Variants in CFAP44 observed in about 807,000 individuals in gnomAD.
CFAP44 encodes the protein cilia and flagella associated protein 44, also known as cilia- and flagella-associated protein 44.
In CFAP44, 134 loss-of-function variants were observed where a neutral mutation model predicts 216.2. The observed-to-expected ratio is 0.62, with a 90% CI of 0.54 to 0.72. The LOEUF is 0.72. CFAP44 is among the 30% of genes least tolerant of loss of function. The pLI is 0.00. For synonymous variants in CFAP44, 700 were observed against 727.6 expected (o/e 0.96, Z 0.61); for missense variants, 2,035 against 2,182.1 (o/e 0.93, Z 1.34).
chr3:113,318,659 C>G (rs1196339017), intron 28 of CFAP44, among the ~76,000 whole-genome samples: 3 of 152,098 alleles, frequency 2.0e-5, no homozygotes, highest in Non-Finnish European at 4.4e-5. Context: ...AGAAAAAAAT[C>G]TTAAAGGCAG....
At chr3:113,296,220 C>T (rs756627555) in intron 33 of CFAP44, among the ~76,000 whole-genome samples, 5 of 152,148 alleles carry the variant, frequency 3.3e-5, no homozygotes, top group African/African-American at 4.8e-5. Context: ...CTGCAAAGGA[C>T]ATGATATCAT....
At chr3:113,306,715 A>G (rs1338926464) in intron 29 of CFAP44, among the ~76,000 whole-genome samples, 1 of 152,152 alleles carries the variant, frequency 6.6e-6, no homozygotes, top group Non-Finnish European at 1.5e-5. Flanking sequence ...TTATCTCTCT[A>G]TTATTTCCAC....
intron 25 of CFAP44, 51 bp from the exon 26 acceptor site, chr3:113,330,719 C>A: frequency 6.8e-7 from 1 of 1,476,022 alleles, no homozygotes; most frequent in Non-Finnish European, 8.9e-7. Flanking sequence ...TGACAAATAA[C>A]TGTATGGAAT....
Position 113,426,208 on chromosome 3 carries a change from C to T in CFAP44, c.323G>A (p.Ser108Asn). The change falls in exon 4 of 35, where the codon AGC (serine) becomes AAC (asparagine). Residue 108 changes from serine (S) to asparagine (N), a missense_variant. Physicochemically the swap from Ser to Asn is conservative, Grantham distance 46. This residue lies in a region of CFAP44 where 149 missense variants were observed against 141.8 expected (regional missense o/e 1.05). Transcript: ENST00000393845. ...EEEVKKKISE[S>N]FFYDYMELAS... is the part of the protein sequence containing the mutation. ...AAGCTCCATATAATCATAGAAGAAGCTCTCTGATATTTTCTTCTTAACTTC... is the reference window on the plus strand; with the variant it reads ...AAGCTCCATATAATCATAGAAGAAGTTCTCTGATATTTTCTTCTTAACTTC... 6 of 1,614,112 alleles carry T rather than the reference C, an allele frequency of 3.7e-6. No individual in the cohort carries two copies. Among genetic ancestry groups the T allele is most frequent in the Middle Eastern group, 1.6e-4 (1 of 6,062 alleles).
chr3:113,330,509 T>C lies in CFAP44; in HGVS notation c.3775A>G (p.Ile1259Val). 1 of 1,537,230 alleles carries C rather than the reference T, an allele frequency of 6.5e-7. No individual in the cohort carries two copies. Among genetic ancestry groups the C allele is most frequent in the Non-Finnish European group, 8.7e-7 (1 of 1,146,894 alleles). ...KHIPIPKIPQ[I>V]HPEEVPEKRF... ...TTTTCTGGAACTTCTTCTGGGTGTA[T>C]CTGAGGAATTTTGGGAATGGGTATG... The change falls in exon 26 of 35, where the codon ATA becomes GTA. Residue 1259 changes from isoleucine (I) to valine (V), a missense_variant. This residue lies in a region of CFAP44 where 1,883 missense variants were observed against 2,023.7 expected (regional missense o/e 0.93). Coordinates refer to ENST00000393845, the MANE Select transcript of CFAP44 (RefSeq NM_001164496.2).
chr3:113,327,711 A>G lies in CFAP44; in HGVS notation c.4225T>C (p.Phe1409Leu). 1.3e-6 allele frequency: 2 copies of G among 1,537,076 alleles called. No individual in the cohort carries two copies. The highest frequency in any genetic ancestry group is 1.7e-6 in the Non-Finnish European group (2 of 1,146,754). Residue 1409 changes from phenylalanine to leucine, a missense_variant, in exon 27 of 35, where the codon TTT (phenylalanine) becomes CTT (leucine). By Grantham distance (22) the Phe-to-Leu change is conservative. Coordinates refer to ENST00000393845, the MANE Select transcript of CFAP44 (RefSeq NM_001164496.2). The stretch of plus-strand genomic sequence containing the variant: ...TTCTTCAGGAGAAGTATTTCTTGAA[A>G]TAAGGTGACATGGTGCAGGTCAGAT... ...KLSDLHHVTL[F>L]QEILLLKNFE... is the part of the protein sequence containing the mutation.
At position 113,287,408 on chromosome 3, in the gene CFAP44, A is replaced by G. The variant is rs540675206; in HGVS notation, c.*4149T>C. On this transcript the variant is annotated 3_prime_UTR_variant, in exon 35 of 35. Coordinates refer to ENST00000393845, the MANE Select transcript of CFAP44 (RefSeq NM_001164496.2). The stretch of plus-strand genomic sequence containing the variant: ...TCCGTGGCAACATATCTCTGTAAAA[A>G]CAAACACTGTAACTTCTAAATAAAT... 5 of 157,098 alleles carry G rather than the reference A, an allele frequency of 3.2e-5. No homozygotes were observed. Among genetic ancestry groups the G allele is most frequent in the African/African-American group, 1.2e-4 (5 of 41,382 alleles). The allele number at this position is 157,098 out of a possible 1,614,324, so 9.7% of individuals were successfully genotyped here.
chr3:113,379,764 T>A (rs867158282), intron 16 of CFAP44, among the ~76,000 whole-genome samples: 6 of 152,182 alleles, frequency 3.9e-5, no homozygotes, highest in African/African-American at 1.4e-4. Context: ...TCAATCTTGG[T>A]TTTATAGAAA....
At chr3:113,427,402 G>A in intron 2 of CFAP44, 63 bp from the exon 3 acceptor site, 7 of 1,300,906 alleles carry the variant, frequency 5.4e-6, no homozygotes, top group Non-Finnish European at 7.4e-6. Flanking sequence ...TTCTAAAGTA[G>A]CTAAAACTTC....
chr3:113,395,487 C>G (rs1933964073), intron 15 of CFAP44, among the ~76,000 whole-genome samples: 1 of 152,042 alleles, frequency 6.6e-6, no homozygotes, highest in Non-Finnish European at 1.5e-5. Context: ...CTGATATAAC[C>G]CTGGTTTTTG....
chr3:113,287,147 C>T lies in CFAP44; in HGVS notation c.*4410G>A. 1 of 446,266 alleles carries T rather than the reference C, an allele frequency of 2.2e-6. No homozygotes were observed. Among genetic ancestry groups the T allele is most frequent in the Non-Finnish European group, 4.3e-6 (1 of 232,338 alleles). The allele number at this position is 446,266 out of a possible 1,614,324, so 27.6% of individuals were successfully genotyped here. On this transcript the variant is annotated 3_prime_UTR_variant, in exon 35 of 35. Coordinates refer to ENST00000393845, the MANE Select transcript of CFAP44 (RefSeq NM_001164496.2). ...ACAGACTCCTAACCTGGGGCCTCTG[C>T]AGTGGCAGGCGAGGCTGCAGGAGGC...
In CFAP44 at chr3:113,327,808, C is replaced by G; in HGVS notation, c.4128G>C (p.Leu1376=). 3 of 1,536,558 alleles carry G rather than the reference C, an allele frequency of 2.0e-6. No individual in the cohort carries two copies. The highest frequency in any genetic ancestry group is 2.6e-6 in the Non-Finnish European group (3 of 1,146,578). Reference sequence around the variant, plus strand: ...GGAGTTCTGCATCGAAAGTGACAACCAGTTCTTTGATCTGAGATGGAAAAA... The same window carrying G: ...GGAGTTCTGCATCGAAAGTGACAACGAGTTCTTTGATCTGAGATGGAAAAA... ...QQYLVNRIKE[L]VVTFDAELRL... Residue 1376 remains leucine (L), a synonymous_variant, in exon 27 of 35, where the codon CTG becomes CTC. Coordinates refer to ENST00000393845, the MANE Select transcript of CFAP44 (RefSeq NM_001164496.2).
In CFAP44 at chr3:113,397,232, A is replaced by G. The variant is rs552936251; in HGVS notation, c.1570-505T>C. On this transcript the variant is annotated intron_variant, in intron 13 of 34. Coordinates refer to ENST00000393845, the MANE Select transcript of CFAP44 (RefSeq NM_001164496.2). ...GGATGTTCAGGAATTAGCTAGGTACAGGAAGGTGGCACAAGCACTCCTAAG... is the reference window on the plus strand; with the variant it reads ...GGATGTTCAGGAATTAGCTAGGTACGGGAAGGTGGCACAAGCACTCCTAAG... 1.8e-4 allele frequency: 29 copies of G among 158,336 alleles called. No individual in the cohort carries two copies. In the South Asian group the frequency reaches 3.8e-3, roughly 21 times the overall value. 9.8% of individuals were successfully genotyped at this position (158,336 alleles called of 1,614,324 possible).
chr3:113,367,704 C>A (rs1397006291), intron 18 of CFAP44, among the ~76,000 whole-genome samples: 2 of 152,122 alleles, frequency 1.3e-5, no homozygotes, highest in African/African-American at 4.8e-5. Flanking sequence ...TCCTCACCAG[C>A]AATGGAACAA....
chr3:113,412,586 A>G (rs1934517313), intron 6 of CFAP44, among the ~76,000 whole-genome samples: 1 of 151,922 alleles, frequency 6.6e-6, no homozygotes, highest in Non-Finnish European at 1.5e-5. Context: ...ATGTGTTCTC[A>G]ATCTTCAACT....
intron 24 of CFAP44, among the ~76,000 whole-genome samples, chr3:113,340,387 G>A (rs1456273359): frequency 1.3e-5 from 2 of 152,176 alleles, no homozygotes; most frequent in African/African-American, 4.8e-5. Context: ...CTCCCAGTTA[G>A]GGTGGAGTTT....
intron 22 of CFAP44, 111 bp from the exon 23 acceptor site, chr3:113,344,823 G>T: frequency 1.9e-6 from 2 of 1,037,892 alleles, no homozygotes; most frequent in Non-Finnish European, 2.6e-6. Context: ...TCATTATATT[G>T]TGCTAGACTC....
chr3:113,344,573 T>C lies in CFAP44; in HGVS notation c.3205A>G (p.Lys1069Glu), dbSNP rs1013811026. Reference sequence around the variant, plus strand: ...CCCTCTTTTTCAAACCTGTCCAATTTGCTTGGTTTTCTCTCTGATTGACTA... The same window carrying C: ...CCCTCTTTTTCAAACCTGTCCAATTCGCTTGGTTTTCTCTCTGATTGACTA... ...RASQSERKPS[K>E]LDRFEKEGPG... is the part of the protein sequence containing the mutation. Residue 1069 changes from lysine (K) to glutamate (E), a missense_variant, in exon 23 of 35, where the codon AAA becomes GAA. Lys to Glu is a moderately conservative substitution (Grantham distance 56). This residue lies in a region of CFAP44 where 1,883 missense variants were observed against 2,023.7 expected (regional missense o/e 0.93). Coordinates refer to ENST00000393845, the MANE Select transcript of CFAP44 (RefSeq NM_001164496.2). The C allele has an allele frequency of 6.5e-7, 1 of 1,537,170 alleles. No individual in the cohort carries two copies. Among genetic ancestry groups the C allele is most frequent in the African/African-American group, 1.4e-5 (1 of 73,158 alleles).
At chr3:113,416,465 C>T (rs187153186) in intron 6 of CFAP44, 60 bp downstream of exon 6, 18 of 1,314,200 alleles carry the variant, frequency 1.4e-5, no homozygotes, top group Non-Finnish European at 1.9e-5. Flanking sequence ...TAATGTCACA[C>T]CTTCTTCAGA....
Sources: gnomAD v4.1 joint callset for allele counts (sites outside exome capture counted in the v4.1 genomes callset) on GRCh38, gnomAD v4.1.1 for gene constraint, gnomAD v4.1.1 regional missense constraint, MANE v1.5 for transcripts, NCBI Gene and HGNC (gene_info 2026-07-23, HGNC 2026-07-21) for gene names.